Variants in MPP7 observed in about 807,000 individuals in gnomAD.
MPP7 encodes MAGUK p55 subfamily member 7.
In MPP7, 60 loss-of-function variants were observed where a neutral mutation model predicts 76.5. The ratio of observed to expected loss-of-function variants is 0.78; its 90% CI spans 0.64 to 0.97. The LOEUF is 0.97. Among genes scored for constraint, MPP7 ranks in the 50% least tolerant of loss-of-function variants. The pLI, the probability that MPP7 is intolerant of heterozygous loss-of-function variation, is 0.00. For synonymous variants in MPP7, 237 were observed against 244.5 expected (o/e 0.97, Z 0.29); for missense variants, 641 against 694.0 (o/e 0.92, Z 0.86).
intron 11 of MPP7, among the ~76,000 whole-genome samples, chr10:28,093,996 C>A (rs1853443512): frequency 1.3e-5 from 2 of 152,116 alleles, no homozygotes; most frequent in African/African-American, 4.8e-5. Flanking sequence ...ATGTAAATTT[C>A]AACAAAGAAA....
chr10:28,184,937 T>G (rs1160607194), intron 3 of MPP7, among the ~76,000 whole-genome samples: 3 of 147,346 alleles, frequency 2.0e-5, no homozygotes, highest in Admixed American at 1.4e-4. Flanking sequence ...TTGTTATATA[T>G]CATAATGTAA....
chr10:28,305,435 A>G (rs1045631700), upstream of MPP7: 3 of 152,126 alleles, frequency 2.0e-5, no homozygotes, highest in Non-Finnish European at 4.4e-5. Context: ...CATTAAGCCA[A>G]TCATCAGGAA....
At chr10:28,236,340 TATAG>T (rs1297184349) in intron 2 of MPP7, among the ~76,000 whole-genome samples, 1 of 152,174 alleles carries the variant, frequency 6.6e-6, no homozygotes, top group Admixed American at 6.5e-5. Context: ...TATAGAGAGA[TATAG>T]ATAAACGTGC....
intron 1 of MPP7, among the ~76,000 whole-genome samples, chr10:28,292,658 C>T (rs2133131734): frequency 6.6e-6 from 1 of 152,160 alleles, no homozygotes; most frequent in Non-Finnish European, 1.5e-5. Flanking sequence ...TAATATAAAG[C>T]CATGGTTGAA....
intron 2 of MPP7, among the ~76,000 whole-genome samples, chr10:28,203,480 A>C (rs1231097861): frequency 6.8e-6 from 1 of 147,532 alleles, no homozygotes; most frequent in Non-Finnish European, 1.5e-5. Context: ...TGGCCAAAAA[A>C]AGCTAAAACA....
intron 11 of MPP7, among the ~76,000 whole-genome samples, chr10:28,099,042 A>T (rs554311562): frequency 6.6e-6 from 1 of 152,332 alleles, no homozygotes; most frequent in East Asian, 1.9e-4. Context: ...ATGTAAACTT[A>T]TAATGTACCT....
intron 3 of MPP7, among the ~76,000 whole-genome samples, chr10:28,194,228 A>C (rs1824172): frequency 0.82 from 125,056 of 151,722 alleles, 52,152 homozygotes; most frequent in African/African-American, 0.89. Flanking sequence ...GTTGGCCAGA[A>C]TGGTCTCGAA....
intron 11 of MPP7, among the ~76,000 whole-genome samples, chr10:28,115,593 T>G (rs2133585443): frequency 6.6e-6 from 1 of 152,340 alleles, no homozygotes; most frequent in African/African-American, 2.4e-5. Context: ...AAGAAGAAGC[T>G]TACTCAACTT....
At chr10:28,128,931 G>A (rs1481885844) in intron 6 of MPP7, among the ~76,000 whole-genome samples, 1 of 152,154 alleles carries the variant, frequency 6.6e-6, no homozygotes, top group Non-Finnish European at 1.5e-5. Context: ...ACGCATAAGG[G>A]TCTCATTATA....
chr10:28,305,709 G>A (rs1424187672), upstream of MPP7: 1 of 152,142 alleles, frequency 6.6e-6, no homozygotes, highest in African/African-American at 2.4e-5. Flanking sequence ...AAGGGAGCAG[G>A]GGATCTAATG....
intron 1 of MPP7, among the ~76,000 whole-genome samples, chr10:28,250,569 C>T (rs1057486378): frequency 2.6e-5 from 4 of 152,168 alleles, no homozygotes; most frequent in South Asian, 2.1e-4. Context: ...AAGATCCTTA[C>T]GTGATCACTT....
intron 2 of MPP7, among the ~76,000 whole-genome samples, chr10:28,324,341 A>C (rs767995558): frequency 6.6e-5 from 10 of 152,230 alleles, no homozygotes; most frequent in Non-Finnish European, 1.3e-4. Context: ...AACTGCAAGA[A>C]AGAAATTTCT....
intron 1 of MPP7, among the ~76,000 whole-genome samples, chr10:28,252,284 C>T (rs925679011): frequency 5.9e-5 from 9 of 152,198 alleles, no homozygotes; most frequent in Non-Finnish European, 8.8e-5. Flanking sequence ...TTGTATTCTG[C>T]CGTTTTACTC....
intron 2 of MPP7, among the ~76,000 whole-genome samples, chr10:28,319,787 G>A (rs1483653310): frequency 1.3e-5 from 2 of 152,010 alleles, no homozygotes; most frequent in Admixed American, 6.6e-5. Context: ...ACCAGCCTGG[G>A]CAACATGGAG....
At chr10:28,129,442 G>A (rs2133669673) in intron 6 of MPP7, among the ~76,000 whole-genome samples, 1 of 152,026 alleles carries the variant, frequency 6.6e-6, no homozygotes, top group South Asian at 2.1e-4. Context: ...GTTTATAAAA[G>A]GGGACTGCTT....
At chr10:28,317,526 G>C (rs1464207718) in intron 2 of MPP7, among the ~76,000 whole-genome samples, 1 of 152,116 alleles carries the variant, frequency 6.6e-6, no homozygotes, top group African/African-American at 2.4e-5. Context: ...ACAAGACCCT[G>C]TATTTAAAAA....
At chr10:28,061,590 G>GA (rs943468316) in intron 13 of MPP7, among the ~76,000 whole-genome samples, 2 of 151,800 alleles carry the variant, frequency 1.3e-5, no homozygotes, top group Non-Finnish European at 2.9e-5. Flanking sequence ...AGAAGGAGAG[G>GA]AAAAAAGAGA....
intron 2 of MPP7, among the ~76,000 whole-genome samples, chr10:28,225,910 A>G (rs1426031776): frequency 6.6e-6 from 1 of 152,180 alleles, no homozygotes; most frequent in African/African-American, 2.4e-5. Flanking sequence ...CATCTAAATC[A>G]AGGACTCAAA....
At chr10:28,332,246 C>CGTGTGTGTGTGTGT (rs4018712) in intron 1 of MPP7, among the ~76,000 whole-genome samples, 4,307 of 146,830 alleles carry the variant, frequency 0.029, 79 homozygotes, top group African/African-American at 0.047. Flanking sequence ...CAAATGTATG[C>CGTGTGTGTGTGTGT]GTGTGTGTGT....
Sources: allele counts gnomAD v4.1 joint callset (sites outside exome capture counted in the v4.1 genomes callset), GRCh38; gene constraint gnomAD v4.1.1; transcripts MANE v1.5; gene names NCBI Gene and HGNC (gene_info 2026-07-23, HGNC 2026-07-21).